The following KIF26B variants were observed in gnomAD, a reference collection of about 807,000 sequenced individuals.
KIF26B encodes the protein kinesin family member 26B.
A neutral mutation model predicts 151.2 loss-of-function variants in KIF26B; 63 were observed. The ratio of observed to expected loss-of-function variants is 0.42; its 90% CI spans 0.34 to 0.51. The LOEUF is 0.51. Among genes scored for constraint, KIF26B ranks in the 20% least tolerant of loss-of-function variants. The pLI is 0.07. For missense variants in KIF26B, 2,813 were observed against 2,913.6 expected (o/e 0.97, Z 0.79); for synonymous variants, 1,357 against 1,262.1 (o/e 1.08, Z -1.59).
At chr1:245,440,573 G>A (rs888455317) in intron 4 of KIF26B, among the ~76,000 whole-genome samples, 4 of 152,134 alleles carry the variant, frequency 2.6e-5, no homozygotes, top group South Asian at 2.1e-4. Flanking sequence ...AGGGGTGTTC[G>A]GGAGCAGATC....
Position 245,483,298 on chromosome 1 carries a change from G to A in KIF26B, c.1167-57469G>A, listed in dbSNP as rs551627050. The stretch of plus-strand genomic sequence containing the variant: ...CTGGGTGCACCATTTTCATCCTCAC[G>A]GGTTCTGCTAGTGTCCTCATGCATA... On this transcript the variant is annotated intron_variant, in intron 4 of 14. Coordinates refer to ENST00000407071, the MANE Select transcript of KIF26B (RefSeq NM_018012.4). Among the ~76,000 whole-genome samples the A allele has an allele frequency of 2.6e-5, 4 of 151,926 alleles. No individual in the cohort carries two copies. In the East Asian group the frequency reaches 5.8e-4, roughly 22 times the overall value.
intron 8 of KIF26B, among the ~76,000 whole-genome samples, chr1:245,610,891 T>A (rs1251822603): frequency 6.6e-6 from 1 of 152,248 alleles, no homozygotes; most frequent in African/African-American, 2.4e-5. Flanking sequence ...AAATTATTTG[T>A]ATAGTTAGAG....
At chr1:245,628,679 G>C (rs537598720) in intron 9 of KIF26B, among the ~76,000 whole-genome samples, 1 of 152,122 alleles carries the variant, frequency 6.6e-6, no homozygotes, top group Admixed American at 6.5e-5. Context: ...CATTCCCTTT[G>C]AAAACCAGCA....
At chr1:245,214,694 G>C (rs1160645174) in intron 2 of KIF26B, among the ~76,000 whole-genome samples, 1 of 152,088 alleles carries the variant, frequency 6.6e-6, no homozygotes, top group Admixed American at 6.5e-5. Context: ...CAAAAAATTA[G>C]CTGGGCTTGG....
intron 3 of KIF26B, among the ~76,000 whole-genome samples, chr1:245,406,881 G>A (rs777473516): frequency 2.0e-5 from 3 of 151,898 alleles, no homozygotes; most frequent in East Asian, 1.9e-4. Flanking sequence ...TCTGCCTCCC[G>A]GGTTCAAGTG....
intron 3 of KIF26B, among the ~76,000 whole-genome samples, chr1:245,372,474 G>A (rs1673151072): frequency 6.6e-6 from 1 of 152,102 alleles, no homozygotes; most frequent in African/African-American, 2.4e-5. Context: ...CCCAGGTAGT[G>A]AGCATAGTAC....
chr1:245,610,530 G>A (rs955230453), intron 8 of KIF26B, among the ~76,000 whole-genome samples: 3 of 151,950 alleles, frequency 2.0e-5, no homozygotes, highest in Non-Finnish European at 2.9e-5. Context: ...ACTGTTCTGA[G>A]GCATCAAATG....
At chr1:245,199,503 G>C (rs962380082) in intron 2 of KIF26B, among the ~76,000 whole-genome samples, 2 of 147,372 alleles carry the variant, frequency 1.4e-5, no homozygotes, top group African/African-American at 2.5e-5. Context: ...TTTTTTTTGA[G>C]ATGGCCTCTC....
intron 5 of KIF26B, among the ~76,000 whole-genome samples, chr1:245,583,990 T>C (rs2043201330): frequency 6.6e-6 from 1 of 152,244 alleles, no homozygotes; most frequent in Non-Finnish European, 1.5e-5. Context: ...CTAAGTCTTC[T>C]GATTTTAATA....
rs1476459135 is a variant in KIF26B at position 245,352,745 on chromosome 1, A to T, written c.466-14089A>T. ...GGTGAGTTTTCTTCGCATTTTTGGG[A>T]ATCTCAACTCCTGAGCCTGTCTTAC... On this transcript the variant is annotated intron_variant, in intron 2 of 14. Transcript: ENST00000407071. This position sits in a 1 kb window ranked among gnomAD's most constrained non-coding sequence, Gnocchi z 5.0. 6.6e-6 allele frequency among the ~76,000 whole-genome samples: 1 copy of T among 151,996 alleles called. No individual in the cohort carries two copies. Among genetic ancestry groups the T allele is most frequent in the Non-Finnish European group, 1.5e-5 (1 of 68,002 alleles).
Position 245,621,888 on chromosome 1 carries a change from C to T in KIF26B, c.2098+9912C>T, listed in dbSNP as rs547022202. On this transcript the variant is annotated intron_variant, in intron 9 of 14. Transcript: ENST00000407071. ...TAAATGTGACTCTTACTTTGAGTCACGCAGGTATAATTATAGGTATTTTAT... is the reference window on the plus strand; with the variant it reads ...TAAATGTGACTCTTACTTTGAGTCATGCAGGTATAATTATAGGTATTTTAT... 9.2e-5 allele frequency among the ~76,000 whole-genome samples: 14 copies of T among 152,312 alleles called. No homozygotes were observed. In the South Asian group the frequency reaches 2.5e-3, roughly 27 times the overall value.
chr1:245,631,494 A>T (rs528415213), intron 9 of KIF26B, among the ~76,000 whole-genome samples: 1 of 152,212 alleles, frequency 6.6e-6, no homozygotes, highest in South Asian at 2.1e-4. Flanking sequence ...ATGGTGTATT[A>T]TGTTATTGGT....
chr1:245,408,771 G>A (rs1674201782), intron 3 of KIF26B, among the ~76,000 whole-genome samples: 2 of 152,156 alleles, frequency 1.3e-5, no homozygotes, highest in Admixed American at 1.3e-4. Flanking sequence ...TGCCCAATAT[G>A]AACTCAAGAG....
chr1:245,178,874 C>CGGG (rs1668856794), intron 2 of KIF26B, among the ~76,000 whole-genome samples: 1 of 152,046 alleles, frequency 6.6e-6, no homozygotes, highest in African/African-American at 2.4e-5. Flanking sequence ...TCCGAGCAGA[C>CGGG]GGGGGCTCTG....
At chr1:245,427,144 A>G (rs544656454) in intron 4 of KIF26B, among the ~76,000 whole-genome samples, 23 of 152,316 alleles carry the variant, frequency 1.5e-4, no homozygotes, top group Admixed American at 4.6e-4. Flanking sequence ...ACATACCACA[A>G]TTGGTCTCAG....
chr1:245,592,509 C>T (rs7514904), intron 5 of KIF26B, among the ~76,000 whole-genome samples: 61,919 of 152,086 alleles, frequency 0.41, 13,296 homozygotes, highest in African/African-American at 0.55. Flanking sequence ...AAGTAAGATA[C>T]GAGAAAAGTC....
At chr1:245,471,123 G>GTATATATATATATA (rs200717016) in intron 4 of KIF26B, among the ~76,000 whole-genome samples, 6 of 139,564 alleles carry the variant, frequency 4.3e-5, no homozygotes, top group African/African-American at 1.5e-4. Flanking sequence ...GTATGTGTGT[G>GTATATATATATATA]TGTGTGTGTA....
intron 2 of KIF26B, among the ~76,000 whole-genome samples, chr1:245,237,000 C>G (rs1475067139): frequency 6.6e-6 from 1 of 152,242 alleles, no homozygotes; most frequent in Non-Finnish European, 1.5e-5. Flanking sequence ...GACTGAGTCT[C>G]TGGTCCGTGT....
chr1:245,613,212 T>C (rs1461438708), intron 9 of KIF26B, among the ~76,000 whole-genome samples: 1 of 152,274 alleles, frequency 6.6e-6, no homozygotes, highest in East Asian at 1.9e-4. Flanking sequence ...ATCAGAAAAC[T>C]GAGTTAAGAG....
Sources: gnomAD v4.1 joint callset for allele counts (sites outside exome capture counted in the v4.1 genomes callset) on GRCh38, gnomAD v4.1.1 for gene constraint, Gnocchi (gnomAD v3.1) non-coding constraint, MANE v1.5 for transcripts, NCBI Gene and HGNC (gene_info 2026-07-23, HGNC 2026-07-21) for gene names.